LRBA: variants seen among roughly 807,000 people sequenced by gnomAD.
LRBA encodes the protein LPS responsive beige-like anchor protein.
Under a neutral mutation model 330.0 loss-of-function variants are expected in LRBA, and 176 were observed. That is an observed-to-expected ratio of 0.53 (90% confidence interval 0.47 to 0.60). LRBA has a LOEUF of 0.60. LRBA is among the 20% of genes least tolerant of loss of function. The pLI, the probability that LRBA is intolerant of heterozygous loss-of-function variation, is 0.00. For synonymous variants in LRBA, 1,230 were observed against 1,193.0 expected (o/e 1.03, Z -0.64); for missense variants, 3,259 against 3,444.8 (o/e 0.95, Z 1.35).
chr4:150,742,407 C>T (rs1354563297), intron 35 of LRBA, among the ~76,000 whole-genome samples: 2 of 151,990 alleles, frequency 1.3e-5, no homozygotes, highest in African/African-American at 4.8e-5. Context: ...CTTAGCTTCC[C>T]AAAGTGCTGA....
At chr4:150,349,858 T>C (rs556062374) in intron 48 of LRBA, 134 bp downstream of exon 48, 4 of 695,888 alleles carry the variant, frequency 5.7e-6, no homozygotes, top group Non-Finnish European at 9.2e-6. Context: ...TGATAAATTA[T>C]TCTGCTTAAG....
chr4:150,991,810 T>A (rs1467355588), intron 2 of LRBA, among the ~76,000 whole-genome samples: 1 of 152,230 alleles, frequency 6.6e-6, no homozygotes, highest in Non-Finnish European at 1.5e-5. Flanking sequence ...AAATCATACC[T>A]TAATAAACCT....
intron 36 of LRBA, among the ~76,000 whole-genome samples, chr4:150,702,520 A>C (rs1198822250): frequency 2.0e-5 from 3 of 152,150 alleles, no homozygotes; most frequent in Admixed American, 2.0e-4. Flanking sequence ...TAGAATAAAA[A>C]TATTACAAGC....
At chr4:150,497,441 A>G (rs1759724012) in intron 40 of LRBA, among the ~76,000 whole-genome samples, 1 of 152,178 alleles carries the variant, frequency 6.6e-6, no homozygotes, top group Non-Finnish European at 1.5e-5. Flanking sequence ...AACACTTAGA[A>G]TGTCCCCAAA....
chr4:150,361,854 T>C (rs1434781564), intron 47 of LRBA, among the ~76,000 whole-genome samples: 1 of 150,894 alleles, frequency 6.6e-6, no homozygotes, highest in Admixed American at 6.6e-5. Flanking sequence ...CACTGCAAGC[T>C]CCGCCTCCCG....
At chr4:150,949,491 T>C (rs531323549) in intron 2 of LRBA, among the ~76,000 whole-genome samples, 1 of 152,166 alleles carries the variant, frequency 6.6e-6, no homozygotes, top group East Asian at 1.9e-4. Context: ...TATACCAATA[T>C]CAATATTGTT....
At chr4:150,594,600 T>C (rs1181626136) in intron 38 of LRBA, among the ~76,000 whole-genome samples, 1 of 152,076 alleles carries the variant, frequency 6.6e-6, no homozygotes, top group East Asian at 1.9e-4. Context: ...CATATCATTA[T>C]TAAGAAATGC....
intron 40 of LRBA, among the ~76,000 whole-genome samples, chr4:150,492,088 C>CA (rs1759025012): frequency 6.7e-6 from 1 of 150,366 alleles, no homozygotes; most frequent in Admixed American, 6.7e-5. Context: ...TTATCCTTCT[C>CA]AAACTGTTTT....
chr4:150,712,961 G>C (rs1284840528), intron 36 of LRBA, among the ~76,000 whole-genome samples: 1 of 152,006 alleles, frequency 6.6e-6, no homozygotes, highest in Non-Finnish European at 1.5e-5. Context: ...TTTTGAGATA[G>C]GGCTTTGCTC....
In LRBA at chr4:150,534,120, T is replaced by C. The variant is rs183857861; in HGVS notation, c.6331-43085A>G. On this transcript the variant is annotated intron_variant, in intron 40 of 56. Coordinates refer to ENST00000651943, the MANE Select transcript of LRBA (RefSeq NM_001364905.1). The stretch of plus-strand genomic sequence containing the variant: ...CTGCTTTTAAAAAGTGCATTCCTTT[T>C]TATCCATTAAATTGTTTCACTATAA... Among the ~76,000 whole-genome samples, 1,154 of 152,066 alleles carry C rather than the reference T, an allele frequency of 7.6e-3. 10 individuals are homozygous for C. Among genetic ancestry groups the C allele is most frequent in the South Asian group, 0.017 (80 of 4,816 alleles).
At chr4:150,990,559 C>T (rs1741957556) in intron 2 of LRBA, among the ~76,000 whole-genome samples, 1 of 151,424 alleles carries the variant, frequency 6.6e-6, no homozygotes, top group African/African-American at 2.4e-5. Flanking sequence ...AAAACCCCGT[C>T]TCTACAAAAA....
chr4:150,833,903 A>G (rs1216323713), intron 28 of LRBA, among the ~76,000 whole-genome samples: 1 of 152,230 alleles, frequency 6.6e-6, no homozygotes, highest in Admixed American at 6.5e-5. Context: ...CATTTAGGTA[A>G]TATTCTAAAT....
chr4:150,274,150 ACACT>A (rs1303208330), intron 56 of LRBA, among the ~76,000 whole-genome samples: 1 of 152,212 alleles, frequency 6.6e-6, no homozygotes, highest in Non-Finnish European at 1.5e-5. Context: ...CAGGATTAAG[ACACT>A]CACTCAAAAC....
At chr4:150,385,039 A>C (rs2151896389) in intron 47 of LRBA, among the ~76,000 whole-genome samples, 1 of 152,374 alleles carries the variant, frequency 6.6e-6, no homozygotes, top group East Asian at 1.9e-4. Context: ...TTTACAAACC[A>C]TTACTTGAAA....
intron 13 of LRBA, among the ~76,000 whole-genome samples, chr4:150,900,732 C>T: frequency 6.6e-6 from 1 of 151,956 alleles, no homozygotes; most frequent in South Asian, 2.1e-4. Flanking sequence ...ATAGAGTTTA[C>T]CTTGAAGAAT....
At chr4:150,469,870 C>T (rs1175608363) in intron 43 of LRBA, among the ~76,000 whole-genome samples, 1 of 152,128 alleles carries the variant, frequency 6.6e-6, no homozygotes, top group East Asian at 1.9e-4. Context: ...CCCATCTTCT[C>T]TTTAATAACA....
chr4:150,720,033 C>T (rs977251392), intron 36 of LRBA, among the ~76,000 whole-genome samples: 4 of 152,082 alleles, frequency 2.6e-5, no homozygotes, highest in Non-Finnish European at 5.9e-5. Context: ...TCTTCCTCTT[C>T]ATGATAGGCC....
chr4:150,470,874 CACCA>C (rs1249278023), intron 43 of LRBA, among the ~76,000 whole-genome samples: 1 of 121,560 alleles, frequency 8.2e-6, no homozygotes, highest in African/African-American at 2.8e-5. Context: ...CACACACACA[CACCA>C]CACACTAAAT....
In LRBA at chr4:150,832,770, G is replaced by A. The variant is rs187238056; in HGVS notation, c.4570-794C>T. 2.1e-4 allele frequency among the ~76,000 whole-genome samples: 32 copies of A among 152,076 alleles called. 1 individual carries two copies. Among genetic ancestry groups the A allele is most frequent in the Admixed American group, 2.0e-3 (31 of 15,256 alleles). ...TTAGATACAGAATAGGATGCCAAAGGAATTCCTTCTTTTTTTTGAGACAGG... is the reference window on the plus strand; with the variant it reads ...TTAGATACAGAATAGGATGCCAAAGAAATTCCTTCTTTTTTTTGAGACAGG... On this transcript the variant is annotated intron_variant, in intron 28 of 56. Coordinates refer to ENST00000651943, the MANE Select transcript of LRBA (RefSeq NM_001364905.1).
Sources: allele counts gnomAD v4.1 joint callset (sites outside exome capture counted in the v4.1 genomes callset), GRCh38; gene constraint gnomAD v4.1.1; transcripts MANE v1.5; gene names NCBI Gene and HGNC (gene_info 2026-07-23, HGNC 2026-07-21).